Variants in IWS1 observed in about 807,000 individuals in gnomAD.
IWS1 encodes interacts with SUPT6H, CTD assembly factor 1, also known as protein IWS1 homolog.
In IWS1, 27 loss-of-function variants were observed where a neutral mutation model predicts 86.7. The observed-to-expected ratio is 0.31, with a 90% CI of 0.23 to 0.43. IWS1 has a LOEUF of 0.43. Ranked by LOEUF, IWS1 falls within the 20% of genes least tolerant of loss-of-function variation. The probability of loss-of-function intolerance (pLI) is 1.00; values close to 1 mark genes in which losing one functional copy is unlikely to be tolerated. For synonymous variants in IWS1, 313 were observed against 335.1 expected, an observed-to-expected ratio of 0.93 and a Z score of 0.72; for missense variants, 827 against 1,000.8, an observed-to-expected ratio of 0.83 and a Z score of 2.34.
At position 127,526,318 on chromosome 2, in the gene IWS1, C is replaced by T. The variant is rs958264317; in HGVS notation, c.-110G>A. ...GGCTAAGTGTTCAGAGACTGCCGCCCGACCGGAGAACTTAACGGGTGCGGA... is the reference window on the plus strand; with the variant it reads ...GGCTAAGTGTTCAGAGACTGCCGCCTGACCGGAGAACTTAACGGGTGCGGA... On this transcript the variant is annotated 5_prime_UTR_variant, in exon 1 of 14. Coordinates refer to ENST00000295321, the MANE Select transcript of IWS1 (RefSeq NM_017969.3). The T allele has an allele frequency of 4.5e-6, 7 of 1,540,128 alleles. No individual in the cohort carries two copies. The African/African-American group carries it at 9.6e-5, about 21-fold the overall frequency.
At chr2:127,494,739 A>C in intron 8 of IWS1, 133 bp downstream of exon 8, 1 of 451,980 alleles carries the variant, frequency 2.2e-6, no homozygotes, top group South Asian at 8.9e-5. Flanking sequence ...TAATTTAGGA[A>C]ATTTTATTCA....
chr2:127,497,163 T>C lies in IWS1; in HGVS notation c.1565+977A>G, dbSNP rs545969826. On this transcript the variant is annotated intron_variant, in intron 6 of 13. Coordinates refer to ENST00000295321, the MANE Select transcript of IWS1 (RefSeq NM_017969.3). ...TAGAACCTGCTATTAAAAGAACGGT[T>C]GATCCTAGACTTTATTTCAATTCCT... 2.6e-5 allele frequency among the ~76,000 whole-genome samples: 4 copies of C among 152,354 alleles called. No individual in the cohort carries two copies. The South Asian group carries it at 8.3e-4, about 32-fold the overall frequency.
chr2:127,521,396 G>A (rs1415627982), intron 2 of IWS1, among the ~76,000 whole-genome samples: 1 of 152,130 alleles, frequency 6.6e-6, no homozygotes, highest in Non-Finnish European at 1.5e-5. Context: ...GTTGGACTAT[G>A]CTGGTTTTAA....
In IWS1 at chr2:127,504,925, C is replaced by T. The variant is rs1691037116; in HGVS notation, c.978G>A (p.Lys326=). Residue 326 remains lysine, a synonymous_variant, in exon 3 of 14, where the codon AAG becomes AAA. Transcript: ENST00000295321. The stretch of plus-strand genomic sequence containing the variant: ...TGTCGCTGTCATCATCTGACTCTGG[C>T]TTCTGTTTGTGTCTGGACGCATCCT... The part of the protein sequence containing the change: ...ETEDASRHKQ[K]PESDDDSDRE... 4 of 1,614,196 alleles carry T rather than the reference C, an allele frequency of 2.5e-6. No individual in the cohort carries two copies. In the South Asian group the frequency reaches 4.4e-5, roughly 18 times the overall value.
intron 2 of IWS1, among the ~76,000 whole-genome samples, chr2:127,520,821 A>G (rs1445834469): frequency 6.6e-6 from 1 of 152,258 alleles, no homozygotes; most frequent in African/African-American, 2.4e-5. Context: ...TACAATAGCT[A>G]AACAGCATAA....
Position 127,526,228 on chromosome 2 carries a change from G to T in IWS1, c.-20C>A. 1 of 1,559,492 alleles carries T rather than the reference G, an allele frequency of 6.4e-7. No individual in the cohort carries two copies. The highest frequency in any genetic ancestry group is 8.7e-7 in the Non-Finnish European group (1 of 1,153,676). ...GTCCATGGCAGGCGGACTCTCAGCG[G>T]GGAGTGTCCGCGCCCCGCGCCGCCC... On this transcript the variant is annotated 5_prime_UTR_variant, in exon 1 of 14. Transcript: ENST00000295321.
intron 1 of IWS1, among the ~76,000 whole-genome samples, chr2:127,525,633 A>G (rs1287076553): frequency 3.9e-5 from 6 of 152,210 alleles, no homozygotes; most frequent in Non-Finnish European, 8.8e-5. Context: ...TAAAGAAAGG[A>G]GACCAAACTT....
At position 127,505,946 on chromosome 2, in the gene IWS1, C is replaced by T; in HGVS notation, c.151-194G>A. ...AGTGAAATGGTTTTATTTGGATCCC[C>T]AAATGGGGAAATATAACCAGCCTTC... On this transcript the variant is annotated intron_variant, in intron 2 of 13. Transcript: ENST00000295321. The surrounding 1 kb of genome is among the most constrained non-coding windows in gnomAD (Gnocchi z 5.0). 2.2e-6 allele frequency: 1 copy of T among 457,558 alleles called. No homozygotes were observed. Among genetic ancestry groups the T allele is most frequent in the Middle Eastern group, 5.9e-4 (1 of 1,690 alleles). The allele number at this position is 457,558 out of a possible 1,614,324, so 28.3% of individuals were successfully genotyped here. A position where few individuals can be genotyped will look rare whatever the true frequency, so the allele number is the denominator to read the frequency against.
intron 13 of IWS1, among the ~76,000 whole-genome samples, chr2:127,481,446 G>T (rs1014127031): frequency 6.6e-6 from 1 of 151,996 alleles, no homozygotes; most frequent in Non-Finnish European, 1.5e-5. Context: ...GGAGAAAGGG[G>T]GGGGGAAACT....
intron 2 of IWS1, among the ~76,000 whole-genome samples, chr2:127,515,254 G>T (rs1041677042): frequency 1.3e-5 from 2 of 152,214 alleles, no homozygotes; most frequent in African/African-American, 4.8e-5. Context: ...CAATGATGGG[G>T]AGGATGTGTT....
intron 13 of IWS1, among the ~76,000 whole-genome samples, chr2:127,481,554 A>C (rs116235033): frequency 1.3e-5 from 2 of 152,122 alleles, no homozygotes; most frequent in African/African-American, 2.4e-5. Flanking sequence ...CTTGACATGC[A>C]CTTTCAAACA....
intron 9 of IWS1, chr2:127,492,936 G>A (rs530611230): frequency 3.7e-5 from 6 of 163,580 alleles, no homozygotes; most frequent in East Asian, 1.7e-4. Context: ...TCACAACTAC[G>A]TAAGGTGGCC....
Position 127,503,552 on chromosome 2 carries a change from G to A in IWS1, c.1244C>T (p.Ser415Phe). ...KASAKKSRVV[S>F]DADDSDSDAV... is the part of the protein sequence containing the mutation. ...ATCACTGTCAGAGTCATCTGCATCA[G>A]AGACAACACGACTCTTCTTTGCTGC... is the stretch of plus-strand genomic sequence containing the variant. Residue 415 changes from serine to phenylalanine, a missense_variant, in exon 4 of 14, where the codon TCT becomes TTT. Physicochemically the swap from Ser to Phe is radical, Grantham distance 155 (BLOSUM62 -2). Around this residue, in one of 2 missense-constraint regions of IWS1, gnomAD observed 548 missense variants for 560.2 expected, o/e 0.98. Transcript: ENST00000295321. 1.2e-6 allele frequency: 2 copies of A among 1,605,176 alleles called. No individual in the cohort carries two copies. Among genetic ancestry groups the A allele is most frequent in the Non-Finnish European group, 1.7e-6 (2 of 1,175,804 alleles).
chr2:127,507,420 T>C (rs1030455477), intron 2 of IWS1, among the ~76,000 whole-genome samples: 5 of 152,172 alleles, frequency 3.3e-5, no homozygotes, highest in African/African-American at 1.2e-4. Context: ...CATACACTTT[T>C]CAAAATTCCT....
upstream of IWS1, chr2:127,526,621 G>T: frequency 7.4e-7 from 1 of 1,344,932 alleles, no homozygotes; most frequent in Non-Finnish European, 9.8e-7. Flanking sequence ...TGGAACTCGG[G>T]CTTTAGTTAA....
intron 13 of IWS1, among the ~76,000 whole-genome samples, chr2:127,486,219 G>A (rs1363587922): frequency 1.3e-5 from 2 of 151,884 alleles, no homozygotes; most frequent in South Asian, 2.1e-4. Context: ...TGTTTCTCAT[G>A]GTTATTAAAA....
intron 8 of IWS1, 42 bp downstream of exon 8, chr2:127,494,830 A>C (rs753235692): frequency 1.7e-6 from 2 of 1,148,550 alleles, no homozygotes; most frequent in South Asian, 2.9e-5. Flanking sequence ...TTATCATTCC[A>C]TGAAAAGGAA....
At position 127,499,846 on chromosome 2, in the gene IWS1, A is replaced by T. The variant is rs1050643521; in HGVS notation, c.1468-1609T>A. Among the ~76,000 whole-genome samples the T allele has an allele frequency of 5.3e-5, 8 of 152,170 alleles. No homozygotes were observed. Among genetic ancestry groups the T allele is most frequent in the African/African-American group, 1.9e-4 (8 of 41,430 alleles). The stretch of plus-strand genomic sequence containing the variant: ...TACAGACACTTGATATATGACAAAG[A>T]TGGCACTACAGAATAGTAGGAAAGG... On this transcript the variant is annotated intron_variant, in intron 5 of 13. Coordinates refer to ENST00000295321, the MANE Select transcript of IWS1 (RefSeq NM_017969.3). This position sits in a 1 kb window ranked among gnomAD's most constrained non-coding sequence, Gnocchi z 4.0.
intron 5 of IWS1, among the ~76,000 whole-genome samples, chr2:127,502,195 C>T (rs572246859): frequency 7.9e-5 from 12 of 152,102 alleles, no homozygotes; most frequent in Non-Finnish European, 1.6e-4. Flanking sequence ...TTTATTTCCC[C>T]CTAAATCTTA....
Sources: allele counts gnomAD v4.1 joint callset (sites outside exome capture counted in the v4.1 genomes callset), GRCh38; gene constraint gnomAD v4.1.1; regional missense constraint gnomAD v4.1.1; non-coding constraint Gnocchi (gnomAD v3.1); transcripts MANE v1.5; gene names NCBI Gene and HGNC (gene_info 2026-07-23, HGNC 2026-07-21).